Variants in OPCML observed in about 807,000 individuals in gnomAD.
OPCML encodes opioid binding protein/cell adhesion molecule like.
A neutral mutation model predicts 37.8 loss-of-function variants in OPCML; 13 were observed. The observed-to-expected ratio is 0.34, with a 90% confidence interval of 0.22 to 0.55. The LOEUF (loss-of-function observed/expected upper bound fraction) is 0.55, where lower values mean the gene tolerates loss of function less well. Among genes scored for constraint, OPCML ranks in the 20% least tolerant of loss-of-function variants. OPCML has a pLI of 0.91. For missense variants in OPCML, 341 were observed against 435.6 expected (o/e 0.78, Z 1.93); for synonymous variants, 176 against 168.8 (o/e 1.04, Z -0.33).
At chr11:132,441,280 GC>G (rs1325341974) in intron 4 of OPCML, among the ~76,000 whole-genome samples, 6 of 142,094 alleles carry the variant, frequency 4.2e-5, no homozygotes, top group Non-Finnish European at 7.5e-5. Flanking sequence ...CCATTCTCCT[GC>G]CTCAGCCTCC....
At chr11:132,469,611 GTGTA>G (rs912806361) in intron 4 of OPCML, among the ~76,000 whole-genome samples, 3 of 143,568 alleles carry the variant, frequency 2.1e-5, no homozygotes, top group African/African-American at 7.9e-5. Context: ...ATAGGCATGT[GTGTA>G]TGTGTGTGGG....
intron 2 of OPCML, among the ~76,000 whole-genome samples, chr11:132,698,380 C>G (rs1359823560): frequency 1.3e-5 from 2 of 151,990 alleles, no homozygotes; most frequent in African/African-American, 2.4e-5. Flanking sequence ...ATTTGTATTT[C>G]CCTGATGATT....
intron 1 of OPCML, among the ~76,000 whole-genome samples, chr11:133,405,488 C>G (rs1370966658): frequency 1.3e-5 from 2 of 152,178 alleles, no homozygotes; most frequent in African/African-American, 4.8e-5. Flanking sequence ...TTGGGTCTTC[C>G]TTTTCAACAA....
chr11:132,700,361 C>A (rs940204882), intron 2 of OPCML, among the ~76,000 whole-genome samples: 2 of 151,810 alleles, frequency 1.3e-5, no homozygotes, highest in South Asian at 4.2e-4. Context: ...TTTCTAGTAC[C>A]TATAGGCATA....
chr11:133,471,678 T>C (rs1040896955), intron 1 of OPCML, among the ~76,000 whole-genome samples: 4 of 152,254 alleles, frequency 2.6e-5, no homozygotes, highest in Non-Finnish European at 5.9e-5. Flanking sequence ...ACTTACAGCA[T>C]ATTTTACGGA....
intron 3 of OPCML, among the ~76,000 whole-genome samples, chr11:132,565,472 T>C (rs2096420362): frequency 6.6e-6 from 1 of 152,160 alleles, no homozygotes; most frequent in Non-Finnish European, 1.5e-5. Flanking sequence ...GGGACCAGCA[T>C]TTCCAAAGTC....
At chr11:132,722,252 G>A (rs553943840) in intron 2 of OPCML, among the ~76,000 whole-genome samples, 65 of 130,022 alleles carry the variant, frequency 5.0e-4, no homozygotes, top group African/African-American at 1.9e-3. Flanking sequence ...ACCACGTCCG[G>A]CCTATTTTTT....
chr11:133,519,878 T>C (rs1372958814), intron 1 of OPCML, among the ~76,000 whole-genome samples: 1 of 152,190 alleles, frequency 6.6e-6, no homozygotes, highest in Non-Finnish European at 1.5e-5. Flanking sequence ...TCTATGAAAT[T>C]TGACCACATC....
At chr11:133,171,200 T>A (rs1239106646) in intron 1 of OPCML, among the ~76,000 whole-genome samples, 4 of 152,232 alleles carry the variant, frequency 2.6e-5, no homozygotes, top group Non-Finnish European at 1.5e-5. Context: ...TTACCAATTC[T>A]GTGGCTGCAA....
intron 2 of OPCML, among the ~76,000 whole-genome samples, chr11:132,738,431 A>C (rs550326238): frequency 6.6e-6 from 1 of 152,344 alleles, no homozygotes; most frequent in African/African-American, 2.4e-5. Flanking sequence ...TACATCTTCC[A>C]CTAGTGTAAA....
chr11:133,384,363 C>T (rs1406015894), intron 1 of OPCML, among the ~76,000 whole-genome samples: 1 of 152,014 alleles, frequency 6.6e-6, no homozygotes, highest in East Asian at 1.9e-4. Context: ...CCCTTCCAAG[C>T]TACAGGTCAG....
At chr11:132,791,953 G>A (rs180954523) in intron 2 of OPCML, among the ~76,000 whole-genome samples, 2 of 152,196 alleles carry the variant, frequency 1.3e-5, no homozygotes, top group Admixed American at 6.5e-5. Context: ...CATTATGGGC[G>A]CCCATTTTGT....
At chr11:132,613,655 T>C (rs147167228) in intron 3 of OPCML, among the ~76,000 whole-genome samples, 1 of 152,236 alleles carries the variant, frequency 6.6e-6, no homozygotes, top group African/African-American at 2.4e-5. Flanking sequence ...AATAATATAA[T>C]GGCCTTTTAG....
intron 1 of OPCML, among the ~76,000 whole-genome samples, chr11:133,343,639 C>A (rs1220116662): frequency 6.6e-6 from 1 of 152,180 alleles, no homozygotes; most frequent in African/African-American, 2.4e-5. Flanking sequence ...ATTAGAATTA[C>A]ATTTTACCAA....
intron 1 of OPCML, among the ~76,000 whole-genome samples, chr11:133,496,912 C>A (rs1947799469): frequency 6.6e-6 from 1 of 152,124 alleles, no homozygotes; most frequent in Non-Finnish European, 1.5e-5. Flanking sequence ...TGTCTGATTT[C>A]TCTTGCTAGG....
At chr11:133,106,352 T>C (rs1458828335) in intron 1 of OPCML, among the ~76,000 whole-genome samples, 1 of 152,256 alleles carries the variant, frequency 6.6e-6, no homozygotes, top group Non-Finnish European at 1.5e-5. Flanking sequence ...AACTCTGATA[T>C]GCTCTTTAGA....
At chr11:132,421,436 C>A (rs906024756) in intron 7 of OPCML, among the ~76,000 whole-genome samples, 1 of 152,124 alleles carries the variant, frequency 6.6e-6, no homozygotes, top group Non-Finnish European at 1.5e-5. Flanking sequence ...TGCAGCAGAA[C>A]CTCTTTAGAC....
chr11:133,345,498 A>G (rs1484825204), intron 1 of OPCML, among the ~76,000 whole-genome samples: 3 of 152,346 alleles, frequency 2.0e-5, no homozygotes, highest in African/African-American at 7.2e-5. Context: ...ACACTGCACT[A>G]GAATCATCTA....
intron 1 of OPCML, among the ~76,000 whole-genome samples, chr11:133,439,709 C>A (rs1025174945): frequency 1.3e-5 from 2 of 151,972 alleles, no homozygotes; most frequent in African/African-American, 2.4e-5. Flanking sequence ...CTTCGTGATC[C>A]ACCCGCCTTG....
Sources: gnomAD v4.1 joint callset for allele counts (sites outside exome capture counted in the v4.1 genomes callset) on GRCh38, gnomAD v4.1.1 for gene constraint, MANE v1.5 for transcripts, NCBI Gene and HGNC (gene_info 2026-07-23, HGNC 2026-07-21) for gene names.